The following PAH variants were observed in gnomAD, a reference collection of about 807,000 sequenced individuals.
PAH encodes the protein phenylalanine-4-hydroxylase.
PAH carries 64 observed loss-of-function variants against 62.0 expected under a neutral mutation model. The ratio of observed to expected loss-of-function variants is 1.03; its 90% CI spans 0.84 to 1.27. PAH has a LOEUF of 1.27. Ranked by LOEUF, PAH falls within the 50% of genes most tolerant of loss-of-function variation. The probability of loss-of-function intolerance (pLI) is 0.00; values close to 1 mark genes in which losing one functional copy is unlikely to be tolerated. For synonymous variants in PAH, 195 were observed against 196.2 expected (o/e 0.99, Z 0.05); for missense variants, 579 against 542.8 (o/e 1.07, Z -0.66).
chr12:102,958,329 G>A, exon 1 of PAH: 3 of 1,467,078 alleles, frequency 2.0e-6, no homozygotes, highest in African/African-American at 1.5e-5. Flanking sequence ...GCCGCCCGCA[G>A]CCTGTTTCTT....
chr12:102,957,516 G>T lies in PAH; in HGVS notation c.-96+679C>A, dbSNP rs1426366620. ...GGGGGGGAGAGGAGAGGAGGAGGGG[G>T]AGTTTAGGGAGTGGGTGGGAGGAAG... On this transcript the variant is annotated intron_variant, in intron 1 of 4. Coordinates refer to the PAH transcript ENST00000551337. This position sits in a 1 kb window ranked among gnomAD's most constrained non-coding sequence, Gnocchi z 4.1. 6.9e-6 allele frequency among the ~76,000 whole-genome samples: 1 copy of T among 145,506 alleles called. No homozygotes were observed.
chr12:102,889,243 T>C (rs1321498396), intron 3 of PAH, among the ~76,000 whole-genome samples: 2 of 152,132 alleles, frequency 1.3e-5, no homozygotes, highest in Admixed American at 6.5e-5. Flanking sequence ...TCAACCCCAA[T>C]TGATCTGAAA....
intron 1 of PAH, among the ~76,000 whole-genome samples, chr12:102,943,917 A>G (rs1156932564): frequency 6.6e-6 from 1 of 152,168 alleles, no homozygotes; most frequent in Non-Finnish European, 1.5e-5. Flanking sequence ...TTGAAAAATT[A>G]CCTATCAGAT....
intron 9 of PAH, among the ~76,000 whole-genome samples, chr12:102,845,928 T>C (rs917197254): frequency 2.0e-4 from 31 of 152,348 alleles, no homozygotes; most frequent in African/African-American, 7.2e-4. Context: ...GATAACATGA[T>C]GCTTTGACTT....
Position 102,843,765 on chromosome 12 carries a change from C to T in PAH, c.1080G>A (p.Glu360=), listed in dbSNP as rs1160769144. 10 of 1,613,816 alleles carry T rather than the reference C, an allele frequency of 6.2e-6. No individual in the cohort carries two copies. The highest frequency in any genetic ancestry group is 8.5e-6 in the Non-Finnish European group (10 of 1,179,836). ...SFGELQYCLS[E]KPKLLPLELE... is the part of the protein sequence containing the mutation. ...GCTCCAGGGGGAGAAGCTTTGGCTT[C>T]TCTGATAAGCAGTACTGTAGGCCCC... Residue 360 remains glutamate, a synonymous_variant, in exon 11 of 13, where the codon GAG becomes GAA. Coordinates refer to ENST00000553106, the MANE Select transcript of PAH (RefSeq NM_000277.3).
At chr12:102,880,695 G>A (rs1876777705) in intron 3 of PAH, among the ~76,000 whole-genome samples, 1 of 152,066 alleles carries the variant, frequency 6.6e-6, no homozygotes, top group African/African-American at 2.4e-5. Flanking sequence ...AGCATTGTGG[G>A]GTGCATACAA....
chr12:102,839,245 G>A, intron 12 of PAH, 27 bp from the exon 13 acceptor site: 1 of 1,611,608 alleles, frequency 6.2e-7, no homozygotes, highest in Non-Finnish European at 8.5e-7. Flanking sequence ...CATCAAAATG[G>A]GCCACTTGTA....
Position 102,866,670 on chromosome 12 carries a change from G to T in PAH, c.442-7C>A, listed in dbSNP as rs772301228. On this transcript the variant is annotated splice_polypyrimidine_tract_variant and splice_region_variant and intron_variant, in intron 4 of 12. Coordinates refer to ENST00000553106, the MANE Select transcript of PAH (RefSeq NM_000277.3). ...ACACAGGATCTTTAAAACCCTAGGA[G>T]AAAAGAGACACCTGATTTTTCAAGG... The T allele has an allele frequency of 6.2e-7, 1 of 1,612,190 alleles. No individual in the cohort carries two copies.
chr12:102,876,248 A>G (rs1876560112), intron 4 of PAH, among the ~76,000 whole-genome samples: 1 of 152,188 alleles, frequency 6.6e-6, no homozygotes, highest in South Asian at 2.1e-4. Flanking sequence ...TTGAATTAGA[A>G]GAAGCATCAA....
At chr12:102,935,806 G>T (rs1470268263) in intron 1 of PAH, among the ~76,000 whole-genome samples, 1 of 151,238 alleles carries the variant, frequency 6.6e-6, no homozygotes, top group African/African-American at 2.4e-5. Context: ...CTGGCTAAAG[G>T]TTTGCTGATT....
chr12:102,956,293 T>C (rs1025497210), intron 1 of PAH, among the ~76,000 whole-genome samples: 12 of 152,220 alleles, frequency 7.9e-5, no homozygotes, highest in Admixed American at 6.5e-5. Flanking sequence ...ATGGGGCCTA[T>C]TGCTTGGTCT....
chr12:102,913,736 A>T (rs747565604), intron 1 of PAH: 12 of 694,172 alleles, frequency 1.7e-5, no homozygotes, highest in Non-Finnish European at 3.1e-5. Context: ...GTACACAAAT[A>T]ACCTATCAGA....
chr12:102,944,578 T>C (rs1007487966), intron 1 of PAH, among the ~76,000 whole-genome samples: 32 of 152,386 alleles, frequency 2.1e-4, no homozygotes, highest in African/African-American at 7.5e-4. Context: ...CTTTTCAGCT[T>C]CAGAATTTCT....
At chr12:102,894,968 A>G (rs754058747) in intron 2 of PAH, 50 bp from the exon 3 acceptor site, 6 of 1,379,228 alleles carry the variant, frequency 4.4e-6, no homozygotes, top group South Asian at 3.5e-5. Flanking sequence ...GAACTAACGC[A>G]GGCCAAAGAT....
At position 102,855,717 on chromosome 12, in the gene PAH, G is replaced by C. The variant is rs1357142998; in HGVS notation, c.510-385C>G. Among the ~76,000 whole-genome samples, 3 of 152,106 alleles carry C rather than the reference G, an allele frequency of 2.0e-5. No homozygotes were observed. The East Asian group carries it at 5.8e-4, about 29-fold the overall frequency. ...GCAGAGATTGGCAATAAGGAGAATGGGGGCTGGCAGGAGAATATATTCCCT... is the reference window on the plus strand; with the variant it reads ...GCAGAGATTGGCAATAAGGAGAATGCGGGCTGGCAGGAGAATATATTCCCT... On this transcript the variant is annotated intron_variant, in intron 5 of 12. Coordinates refer to ENST00000553106, the MANE Select transcript of PAH (RefSeq NM_000277.3).
intron 1 of PAH, among the ~76,000 whole-genome samples, chr12:102,932,910 A>T (rs1407068521): frequency 6.6e-6 from 1 of 152,212 alleles, no homozygotes; most frequent in Admixed American, 6.5e-5. Context: ...CACATTACAC[A>T]TTGCACGCTT....
chr12:102,865,002 T>C (rs972669796), intron 5 of PAH, among the ~76,000 whole-genome samples: 1 of 152,152 alleles, frequency 6.6e-6, no homozygotes, highest in Admixed American at 6.5e-5. Flanking sequence ...TAGTTAATCA[T>C]GTGGGATTCA....
intron 1 of PAH, chr12:102,950,440 C>G (rs1369990793): frequency 6.6e-6 from 1 of 152,288 alleles, no homozygotes; most frequent in East Asian, 1.9e-4. Flanking sequence ...AGGTTTGCCA[C>G]GGTGGTGGAG....
At chr12:102,852,988 A>G (rs752794451) in intron 6 of PAH, 38 bp from the exon 7 acceptor site, 10 of 1,611,284 alleles carry the variant, frequency 6.2e-6, no homozygotes, top group Non-Finnish European at 8.5e-6. Context: ...AAAGCTCATC[A>G]CCACTGAGTC....
Sources: gnomAD v4.1 joint callset for allele counts (sites outside exome capture counted in the v4.1 genomes callset) on GRCh38, gnomAD v4.1.1 for gene constraint, Gnocchi (gnomAD v3.1) non-coding constraint, MANE v1.5 for transcripts, NCBI Gene and HGNC (gene_info 2026-07-23, HGNC 2026-07-21) for gene names.